The following GRK1 variants were observed in gnomAD, a reference collection of about 807,000 sequenced individuals.
GRK1 encodes rhodopsin kinase GRK1.
A neutral mutation model predicts 41.7 loss-of-function variants in GRK1; 28 were observed. The observed-to-expected ratio is 0.67, with a 90% CI of 0.50 to 0.92. The LOEUF (loss-of-function observed/expected upper bound fraction) is 0.92. Among genes scored for constraint, GRK1 ranks in the 40% least tolerant of loss-of-function variants. The pLI is 0.00. For missense variants in GRK1, 703 were observed against 671.2 expected (o/e 1.05, Z -0.52); for synonymous variants, 327 against 286.7 (o/e 1.14, Z -1.42).
the GRK1 span, among the ~76,000 whole-genome samples, chr13:113,654,454 G>A: frequency 7.9e-5 from 12 of 152,214 alleles, no homozygotes; most frequent in African/African-American, 2.2e-4. Flanking sequence ...GAAACATTCC[G>A]TGTGCATATC....
At chr13:113,652,930 C>T in the GRK1 span, 70 of 1,614,092 alleles carry the variant, frequency 4.3e-5, no homozygotes, top group African/African-American at 5.3e-5. Flanking sequence ...AGTTGGGATC[C>T]GCCAGGCCTG....
chr13:113,649,239 G>T, the GRK1 span: 1 of 1,066,888 alleles, frequency 9.4e-7, no homozygotes, highest in Non-Finnish European at 1.3e-6. This position sits in a 1 kb window ranked among gnomAD's most constrained non-coding sequence, Gnocchi z 4.7. Flanking sequence ...TCTGGAGTTC[G>T]CACACTGACA....
At chr13:113,654,472 A>G in the GRK1 span, among the ~76,000 whole-genome samples, 3 of 152,252 alleles carry the variant, frequency 2.0e-5, no homozygotes, top group Non-Finnish European at 4.4e-5. Flanking sequence ...ATCCAAGCAC[A>G]GGAAGTAAGT....
Position 113,671,397 on chromosome 13 carries a change from A to C in GRK1, c.828-102A>C. Reference sequence around the variant, plus strand: ...GGGGCCAGGCCTCAAAACGACCAGAACGCTGGCCGAGAGACATGGTTCTGA... The same window carrying C: ...GGGGCCAGGCCTCAAAACGACCAGACCGCTGGCCGAGAGACATGGTTCTGA... On this transcript the variant is annotated intron_variant, in intron 2 of 6. Coordinates refer to ENST00000335678, the MANE Select transcript of GRK1 (RefSeq NM_002929.3). This position sits in a 1 kb window ranked among gnomAD's most constrained non-coding sequence, Gnocchi z 4.1. The C allele has an allele frequency of 1.3e-6, 1 of 744,822 alleles. No homozygotes were observed. The highest frequency in any genetic ancestry group is 2.5e-6 in the Non-Finnish European group (1 of 405,352). The allele number at this position is 744,822 out of a possible 1,614,324, so 46.1% of individuals were successfully genotyped here.
At chr13:113,649,680 T>C in the GRK1 span, 1 of 919,566 alleles carries the variant, frequency 1.1e-6, no homozygotes, top group Non-Finnish European at 1.5e-6. The surrounding 1 kb of genome is among the most constrained non-coding windows in gnomAD (Gnocchi z 4.7). Flanking sequence ...GTGCATGCCC[T>C]GGAATTTGCT....
At chr13:113,733,869 G>GCATA (rs1491235969) in intron 6 of GRK1, among the ~76,000 whole-genome samples, 4 of 130,774 alleles carry the variant, frequency 3.1e-5, no homozygotes, top group African/African-American at 6.6e-5. Flanking sequence ...ATACGTGTGT[G>GCATA]CGTGTGTGCA....
chr13:113,735,468 G>T lies in GRK1; in HGVS notation c.*105G>T, dbSNP rs906624409. 7.4e-5 allele frequency: 95 copies of T among 1,281,930 alleles called. No individual in the cohort carries two copies. Among genetic ancestry groups the T allele is most frequent in the Non-Finnish European group, 9.4e-5 (91 of 967,820 alleles). The allele number at this position is 1,281,930 out of a possible 1,614,324, so 79.4% of individuals were successfully genotyped here. On this transcript the variant is annotated 3_prime_UTR_variant, in exon 7 of 7. Transcript: ENST00000335678. Reference sequence around the variant, plus strand: ...GGGTCTGCTAGCAAGGGGACACGTGGTTCCCTCCACCCAGGTCCCCATCAC... The same window carrying T: ...GGGTCTGCTAGCAAGGGGACACGTGTTTCCCTCCACCCAGGTCCCCATCAC...
Position 113,726,882 on chromosome 13 carries a change from C to T in GRK1, c.1069+3725C>T, listed in dbSNP as rs956596507. Among the ~76,000 whole-genome samples, 3 of 152,336 alleles carry T rather than the reference C, an allele frequency of 2.0e-5. No homozygotes were observed. In the South Asian group the frequency reaches 6.2e-4, roughly 32 times the overall value. On this transcript the variant is annotated intron_variant, in intron 4 of 6. Coordinates refer to ENST00000335678, the MANE Select transcript of GRK1 (RefSeq NM_002929.3). ...GTGGTTCTGTGAGGCAGGGTTCCTG[C>T]AACTCTTTTGGGGAAAAAGGATTCT...
chr13:113,734,898 C>A, intron 6 of GRK1, 170 bp from the exon 7 acceptor site: 1 of 590,616 alleles, frequency 1.7e-6, no homozygotes, highest in Non-Finnish European at 2.7e-6. Context: ...AACCCAGGGG[C>A]CTTCTGGGAA....
At position 113,671,237 on chromosome 13, in the gene GRK1, C is replaced by T. The variant is rs1424360360; in HGVS notation, c.828-262C>T. Among the ~76,000 whole-genome samples the T allele has an allele frequency of 3.9e-5, 6 of 152,190 alleles. No individual in the cohort carries two copies. The highest frequency in any genetic ancestry group is 1.3e-4 in the Admixed American group (2 of 15,292). On this transcript the variant is annotated intron_variant, in intron 2 of 6. Coordinates refer to ENST00000335678, the MANE Select transcript of GRK1 (RefSeq NM_002929.3). The surrounding 1 kb of genome is among the most constrained non-coding windows in gnomAD (Gnocchi z 4.1). ...GGGCTGTTTCCTAGCACCTGCGGCC[C>T]GCGCTGGAAAGCAGGCGGACAGGAG... is the stretch of plus-strand genomic sequence containing the variant.
rs1223022328 is a variant in GRK1 at position 113,668,076 on chromosome 13, G to A, written c.690G>A (p.Lys230=). ...KLNKKRLKKR[K]GYQGAMVEKK... ...ACAAGAAGCGGCTGAAGAAGAGGAA[G>A]GGCTACCAGGTGAGCAGCGCGACCC... The change falls in exon 1 of 7, where the codon AAG becomes AAA. Residue 230 remains lysine (K), a synonymous_variant. Coordinates refer to ENST00000335678, the MANE Select transcript of GRK1 (RefSeq NM_002929.3). 6.2e-7 allele frequency: 1 copy of A among 1,605,638 alleles called. No individual in the cohort carries two copies. Among genetic ancestry groups the A allele is most frequent in the Non-Finnish European group, 8.5e-7 (1 of 1,176,570 alleles).
At chr13:113,658,893 A>C in the GRK1 span, among the ~76,000 whole-genome samples, 1 of 152,336 alleles carries the variant, frequency 6.6e-6, no homozygotes, top group South Asian at 2.1e-4. Context: ...AGCCCTGAGC[A>C]TCTGTTGAAT....
chr13:113,733,999 T>TGTGC (rs1566700573), intron 6 of GRK1, among the ~76,000 whole-genome samples: 1 of 142,640 alleles, frequency 7.0e-6, no homozygotes, highest in Non-Finnish European at 1.5e-5. Flanking sequence ...CATACATGTG[T>TGTGC]GTGCGTGTGC....
chr13:113,667,417 G>C lies in GRK1; in HGVS notation c.31G>C (p.Ala11Pro). 1 of 1,596,286 alleles carries C rather than the reference G, an allele frequency of 6.3e-7. No individual in the cohort carries two copies. Among genetic ancestry groups the C allele is most frequent in the Non-Finnish European group, 8.5e-7 (1 of 1,170,066 alleles). MDFGSLETVVANSAFIAARGS... is the reference protein window; with the variant it reads MDFGSLETVVPNSAFIAARGS... The stretch of plus-strand genomic sequence containing the variant: ...TTTCGGGTCTTTGGAGACCGTGGTG[G>C]CCAACTCTGCCTTCATCGCCGCCCG... The change falls in exon 1 of 7, where the codon GCC becomes CCC. Residue 11 changes from alanine to proline, a missense_variant. Ala to Pro is a conservative substitution (Grantham distance 27, BLOSUM62 -1). Coordinates refer to ENST00000335678, the MANE Select transcript of GRK1 (RefSeq NM_002929.3). This position sits in a 1 kb window ranked among gnomAD's most constrained non-coding sequence, Gnocchi z 7.5.
the GRK1 span, among the ~76,000 whole-genome samples, chr13:113,660,914 T>A: frequency 6.6e-6 from 1 of 152,186 alleles, no homozygotes; most frequent in African/African-American, 2.4e-5. Flanking sequence ...ACAATTATAG[T>A]TGGAGATCTC....
intron 1 of GRK1, among the ~76,000 whole-genome samples, chr13:113,668,453 T>C (rs971509415): frequency 6.6e-6 from 1 of 152,190 alleles, no homozygotes; most frequent in Non-Finnish European, 1.5e-5. Flanking sequence ...TGGAAGACTT[T>C]CCAGGGCCCT....
Position 113,732,870 on chromosome 13 carries a change from G to T in GRK1, c.1195-14G>T. On this transcript the variant is annotated splice_polypyrimidine_tract_variant and intron_variant, in intron 5 of 6. Coordinates refer to ENST00000335678, the MANE Select transcript of GRK1 (RefSeq NM_002929.3). ...GCGGGTCTGGCAGGGCTAAGGCTAC[G>T]CGTGTCCCCACAGGTGGAGAACAAG... 1 of 1,535,864 alleles carries T rather than the reference G, an allele frequency of 6.5e-7. No homozygotes were observed. Among genetic ancestry groups the T allele is most frequent in the Non-Finnish European group, 8.7e-7 (1 of 1,146,654 alleles).
In GRK1 at chr13:113,731,266, G is replaced by A. The variant is rs760049938; in HGVS notation, c.1117G>A (p.Val373Met). The A allele has an allele frequency of 1.5e-5, 23 of 1,536,974 alleles. No homozygotes were observed. The highest frequency in any genetic ancestry group is 1.4e-4 in the Admixed American group (7 of 50,972). ...GCAGGGCGAGGAGTACGACTTCTCC[G>A]TGGACTACTTTGCCCTGGGGGTCAC... ...LLQGEEYDFS[V>M]DYFALGVTLY... Residue 373 changes from valine (V) to methionine (M), a missense_variant, in exon 5 of 7, where the codon GTG becomes ATG. Coordinates refer to ENST00000335678, the MANE Select transcript of GRK1 (RefSeq NM_002929.3). The surrounding 1 kb of genome is among the most constrained non-coding windows in gnomAD (Gnocchi z 5.6).
At chr13:113,657,298 C>G in the GRK1 span, among the ~76,000 whole-genome samples, 2 of 152,224 alleles carry the variant, frequency 1.3e-5, no homozygotes, top group African/African-American at 4.8e-5. Flanking sequence ...CAGCCGCATC[C>G]CGACGCCCAG....
Sources: gnomAD v4.1 joint callset for allele counts (sites outside exome capture counted in the v4.1 genomes callset) on GRCh38, gnomAD v4.1.1 for gene constraint, Gnocchi (gnomAD v3.1) non-coding constraint, MANE v1.5 for transcripts, NCBI Gene and HGNC (gene_info 2026-07-23, HGNC 2026-07-21) for gene names.